Variants in GEMIN5 observed in about 807,000 individuals in gnomAD.
The protein encoded by GEMIN5 is gem-associated protein 5.
GEMIN5 carries 124 observed loss-of-function variants against 176.9 expected under a neutral mutation model. That is an observed-to-expected ratio of 0.70 (90% CI 0.61 to 0.81). GEMIN5 has a LOEUF of 0.81. Ranked by LOEUF, GEMIN5 falls within the 40% of genes least tolerant of loss-of-function variation. The pLI is 0.00. For missense variants in GEMIN5, 1,843 were observed against 1,814.6 expected, an observed-to-expected ratio of 1.02 and a Z score of -0.28; for synonymous variants, 673 against 665.2, an observed-to-expected ratio of 1.01 and a Z score of -0.18.
chr5:154,893,716 G>A (rs543298565), intron 24 of GEMIN5, among the ~76,000 whole-genome samples: 28 of 152,198 alleles, frequency 1.8e-4, no homozygotes, highest in South Asian at 4.1e-4. Flanking sequence ...TGTCTTTAAA[G>A]CTTTTGAGAT....
At chr5:154,901,222 T>G in intron 21 of GEMIN5, 117 bp downstream of exon 21, 1 of 979,928 alleles carries the variant, frequency 1.0e-6, no homozygotes, top group Non-Finnish European at 1.5e-6. Flanking sequence ...TCCCAGTTAC[T>G]CAGGGGGCTG....
In GEMIN5 at chr5:154,932,313, C is replaced by T. The variant is rs940664962; in HGVS notation, c.510-63G>A. On this transcript the variant is annotated intron_variant, in intron 3 of 27. Coordinates refer to ENST00000285873, the MANE Select transcript of GEMIN5 (RefSeq NM_015465.5). ...AAGACAGAACAGAGTCTCTAGTAAA[C>T]ATTTTGGCTTGGAGTTACCATTGGC... 7 of 1,295,684 alleles carry T rather than the reference C, an allele frequency of 5.4e-6. No homozygotes were observed. In the Admixed American group the frequency reaches 6.0e-5, roughly 11 times the overall value. The allele number at this position is 1,295,684 out of a possible 1,614,324, so 80.3% of individuals were successfully genotyped here.
At chr5:154,901,243 A>T in intron 21 of GEMIN5, 96 bp downstream of exon 21, 1 of 1,142,444 alleles carries the variant, frequency 8.8e-7, no homozygotes, top group Non-Finnish European at 1.3e-6. Flanking sequence ...AAGCAGGAGG[A>T]CTGTTTCTTC....
At chr5:154,921,268 C>T in intron 10 of GEMIN5, 75 bp downstream of exon 10, 1 of 796,758 alleles carries the variant, frequency 1.3e-6, no homozygotes, top group Non-Finnish European at 2.2e-6. Context: ...ATGACTCTTT[C>T]CATCTTTAAT....
intron 23 of GEMIN5, among the ~76,000 whole-genome samples, chr5:154,897,252 C>T (rs1027486380): frequency 2.6e-5 from 4 of 152,156 alleles, no homozygotes; most frequent in East Asian, 1.9e-4. Context: ...AAATATTCAG[C>T]TAAAAACCAT....
chr5:154,892,145 A>G (rs1763243475), intron 25 of GEMIN5, among the ~76,000 whole-genome samples: 1 of 152,112 alleles, frequency 6.6e-6, no homozygotes, highest in African/African-American at 2.4e-5. Flanking sequence ...CTACATTCCT[A>G]TTTCTCTCTC....
In GEMIN5 at chr5:154,888,285, C is replaced by A. The variant is rs766019195; in HGVS notation, c.4452G>T (p.Gln1484His). 6.2e-7 allele frequency: 1 copy of A among 1,614,170 alleles called. No individual in the cohort carries two copies. The highest frequency in any genetic ancestry group is 8.5e-7 in the Non-Finnish European group (1 of 1,180,016). ...ATTTCTGAAGGAGCTCTTGGGCCTG[C>A]TGCTGCATTTCCTGGGCCAGACAGC... is the stretch of plus-strand genomic sequence containing the variant. ...FPGCLAQEMQ[Q>H]QAQELLQKYG... Residue 1484 changes from glutamine (Q) to histidine (H), a missense_variant, in exon 28 of 28, where the codon CAG becomes CAT. Gln to His is a conservative substitution (Grantham distance 24). Transcript: ENST00000285873.
rs1383497630 is a variant in GEMIN5, at chr5:154,891,303, A to G, written c.4200T>C (p.Gly1400=). ...CTACTTCCGGTTCATTCTTATCAGGACCATTTGCTGTGGATTTACAGAGTT... is the reference window on the plus strand; with the variant it reads ...CTACTTCCGGTTCATTCTTATCAGGGCCATTTGCTGTGGATTTACAGAGTT... The part of the protein sequence containing the change: ...KSQLCKSTAN[G]PDKNEPEVEA... Residue 1400 remains glycine, a synonymous_variant, in exon 26 of 28, where the codon GGT becomes GGC. Transcript: ENST00000285873. 1.9e-6 allele frequency: 3 copies of G among 1,613,804 alleles called. No individual in the cohort carries two copies. Among genetic ancestry groups the G allele is most frequent in the Middle Eastern group, 1.7e-4 (1 of 6,060 alleles).
At position 154,935,845 on chromosome 5, in the gene GEMIN5, T is replaced by C; in HGVS notation, c.505A>G (p.Ile169Val). The C allele has an allele frequency of 6.2e-7, 1 of 1,609,274 alleles. No individual in the cohort carries two copies. The highest frequency in any genetic ancestry group is 8.5e-7 in the Non-Finnish European group (1 of 1,175,962). Reference sequence around the variant, plus strand: ...TACAGATGGCATAGTACTTACCCAATGGCTACTAAATCTTCATGATGAGGT... The same window carrying C: ...TACAGATGGCATAGTACTTACCCAACGGCTACTAAATCTTCATGATGAGGT... ...CSPHHEDLVA[I>V]GYKDGIVVII... Residue 169 changes from isoleucine to valine, a missense_variant, in exon 3 of 28, where the codon ATT becomes GTT. By Grantham distance (29) the Ile-to-Val change is conservative (BLOSUM62 3). Coordinates refer to ENST00000285873, the MANE Select transcript of GEMIN5 (RefSeq NM_015465.5).
At chr5:154,924,592 G>T in intron 8 of GEMIN5, 38 bp from the exon 9 acceptor site, 1 of 1,260,620 alleles carries the variant, frequency 7.9e-7, no homozygotes, top group Non-Finnish European at 1.2e-6. Flanking sequence ...AATATAAGAA[G>T]TGGGGCATAT....
intron 6 of GEMIN5, 56 bp from the exon 7 acceptor site, chr5:154,927,606 AC>A: frequency 7.5e-7 from 1 of 1,333,516 alleles, no homozygotes. Context: ...AAAACAAGTG[AC>A]TGTTGAGACA....
In GEMIN5 at chr5:154,911,749, T is replaced by C; in HGVS notation, c.2145A>G (p.Gln715=). The C allele has an allele frequency of 1.2e-6, 2 of 1,614,010 alleles. No individual in the cohort carries two copies. Among genetic ancestry groups the C allele is most frequent in the Non-Finnish European group, 8.5e-7 (1 of 1,179,878 alleles). ...GACCTTGAGGAGGCCGGGAATGATC[T>C]TGCATGGAAGTGAGCCACTTGTGCA... ...FCVHKWLTSM[Q]DHSRPPQGKK... The change falls in exon 15 of 28, where the codon CAA becomes CAG. Residue 715 remains glutamine, a synonymous_variant. Transcript: ENST00000285873.
Position 154,924,554 on chromosome 5 carries a change from G to A in GEMIN5, c.1294C>T (p.Leu432=), listed in dbSNP as rs764554770. ...CCTTCCTTGGTTGGGTGCCAGCACA[G>A]CTACAAAAAAAAGAGTTTCCAAGTG... ...WQGVKSKVTA[L]CWHPTKEGCL... Residue 432 remains leucine (L), a splice_region_variant and synonymous_variant, in exon 9 of 28, where the codon CTG becomes TTG. Transcript: ENST00000285873. The A allele has an allele frequency of 8.1e-6, 13 of 1,600,830 alleles. No individual in the cohort carries two copies. Among genetic ancestry groups the A allele is most frequent in the Non-Finnish European group, 1.1e-5 (13 of 1,169,800 alleles).
rs760050996 is a variant in GEMIN5, at chr5:154,931,538, G to A, written c.701C>T (p.Ala234Val). 6.2e-7 allele frequency: 1 copy of A among 1,612,042 alleles called. No homozygotes were observed. The highest frequency in any genetic ancestry group is 2.2e-5 in the East Asian group (1 of 44,834). The change falls in exon 5 of 28, where the codon GCT (alanine) becomes GTT (valine). Residue 234 changes from alanine to valine, a missense_variant. Ala to Val is a moderately conservative substitution (Grantham distance 64). Transcript: ENST00000285873. ...EITNGNAVAQAPVTKGCYLAT... is the reference protein window; with the variant it reads ...EITNGNAVAQVPVTKGCYLAT... ...TAAGTAGCAACCTTTTGTTACTGGA[G>A]CTTGTGCTACAGCATTCCCGTTGGT...
At chr5:154,928,795 C>T in intron 5 of GEMIN5, 136 bp from the exon 6 acceptor site, 1 of 692,038 alleles carries the variant, frequency 1.4e-6, no homozygotes, top group South Asian at 1.8e-5. Context: ...ATCTCATTTT[C>T]CAATGGTTAC....
chr5:154,905,257 T>C, intron 17 of GEMIN5, 106 bp downstream of exon 17: 2 of 541,594 alleles, frequency 3.7e-6, no homozygotes, highest in South Asian at 2.7e-5. Flanking sequence ...TTTGAACCTA[T>C]AAAAACAAAC....
chr5:154,921,536 T>C (rs185069042), intron 9 of GEMIN5, 111 bp from the exon 10 acceptor site: 11 of 637,926 alleles, frequency 1.7e-5, no homozygotes, highest in Non-Finnish European at 2.7e-5. Context: ...CTACTAATAA[T>C]TGGAGAAAAA....
chr5:154,916,133 C>T (rs1763804797), intron 13 of GEMIN5, among the ~76,000 whole-genome samples: 1 of 151,920 alleles, frequency 6.6e-6, no homozygotes, highest in Non-Finnish European at 1.5e-5. Context: ...AGCTATCCTT[C>T]CACTATGGCC....
At chr5:154,932,034 A>G (rs906623068) in intron 4 of GEMIN5, 65 bp downstream of exon 4, 4 of 1,148,778 alleles carry the variant, frequency 3.5e-6, no homozygotes, top group South Asian at 1.5e-5. Context: ...AAAAAATGAT[A>G]TAATTGTACC....
Sources: allele counts gnomAD v4.1 joint callset (sites outside exome capture counted in the v4.1 genomes callset), GRCh38; gene constraint gnomAD v4.1.1; transcripts MANE v1.5; gene names NCBI Gene and HGNC (gene_info 2026-07-23, HGNC 2026-07-21).